Variants in IRS1 observed in about 807,000 individuals in gnomAD.
IRS1 encodes the protein insulin receptor substrate 1.
Under a neutral mutation model 65.6 loss-of-function variants are expected in IRS1, and 34 were observed. The observed-to-expected ratio is 0.52, with a 90% confidence interval of 0.39 to 0.69. The LOEUF is 0.69. Among genes scored for constraint, IRS1 ranks in the 30% least tolerant of loss-of-function variants. The probability of loss-of-function intolerance (pLI) is 0.00; values close to 1 mark genes in which losing one functional copy is unlikely to be tolerated. For synonymous variants in IRS1, 699 were observed against 683.5 expected (o/e 1.02, Z -0.35); for missense variants, 1,641 against 1,720.2 (o/e 0.95, Z 0.81).
At position 226,797,416 on chromosome 2, in the gene IRS1, G is replaced by A. The variant is rs532058574; in HGVS notation, c.1323C>T (p.Ser441=). Residue 441 remains serine (S), a synonymous_variant, in exon 1 of 2, where the codon TCC becomes TCT. Coordinates refer to ENST00000305123, the MANE Select transcript of IRS1 (RefSeq NM_005544.3). The surrounding 1 kb of genome is among the most constrained non-coding windows in gnomAD (Gnocchi z 8.1). ...GGGAATCCGGAGTGACACTGCGGAA[G>A]GAACTCCGGAAATCGCAGGGACTGG... ...YGSSPCDFRS[S]FRSVTPDSLG... 6.8e-6 allele frequency: 11 copies of A among 1,612,736 alleles called. No individual in the cohort carries two copies. The highest frequency in any genetic ancestry group is 4.0e-5 in the African/African-American group (3 of 75,054).
At position 226,766,120 on chromosome 2, in the gene IRS1, CTTATATATATATAT is replaced by C. The variant is rs1490241653; in HGVS notation, c.*21+28855_*21+28868del. Among the ~76,000 whole-genome samples, 10 of 31,690 alleles carry C rather than the reference CTTATATATATATAT, an allele frequency of 3.2e-4. 1 individual carries two copies. The highest frequency in any genetic ancestry group is 9.2e-4 in the African/African-American group (7 of 7,620). 20.8% of individuals were successfully genotyped at this position (31,690 alleles called of 152,430 possible). A position where few individuals can be genotyped will look rare whatever the true frequency, so the allele number is the denominator to read the frequency against. On this transcript the variant is annotated intron_variant, in intron 1 of 1. Coordinates refer to ENST00000305123, the MANE Select transcript of IRS1 (RefSeq NM_005544.3). The stretch of plus-strand genomic sequence containing the variant: ...AATTTTCCCAAGGCCCTCTCTTAAT[CTTATATATATATAT>C]ATATATATATATATATATATATATA...
At chr2:226,737,676 T>TG (rs1938355250) in intron 1 of IRS1, among the ~76,000 whole-genome samples, 1 of 152,164 alleles carries the variant, frequency 6.6e-6, no homozygotes. Context: ...GATACATGCA[T>TG]GGGGGCAATA....
At chr2:226,741,216 A>G (rs1356943495) in intron 1 of IRS1, among the ~76,000 whole-genome samples, 1 of 152,212 alleles carries the variant, frequency 6.6e-6, no homozygotes, top group Non-Finnish European at 1.5e-5. Flanking sequence ...TACTGTTTTA[A>G]TCATACTTAG....
intron 1 of IRS1, among the ~76,000 whole-genome samples, chr2:226,745,526 T>G (rs1264747653): frequency 6.6e-6 from 1 of 152,212 alleles, no homozygotes; most frequent in African/African-American, 2.4e-5. Flanking sequence ...CATCTCTCAG[T>G]GTTCTTTTCT....
In IRS1 at chr2:226,795,068, T is replaced by TCACTTGAG; in HGVS notation, c.3663_3670dup (p.Glu1224AlafsTer6). ...GATGCTGGCATAGGCGCTTAAATCC[T>TCACTTGAG]CACTTGAGCGGCGGGTGGAGCTGCT... On this transcript the variant is annotated frameshift_variant, in exon 1 of 2. Coordinates refer to ENST00000305123, the MANE Select transcript of IRS1 (RefSeq NM_005544.3). LOFTEE classifies it high-confidence loss of function. The TCACTTGAG allele has an allele frequency of 6.3e-7, 1 of 1,592,546 alleles. No individual in the cohort carries two copies.
rs1938271097 is a variant in IRS1 at position 226,733,614 on chromosome 2, C to T, written c.*2658G>A. Reference sequence around the variant, plus strand: ...AAAACCCACTAACTTCTAGGTTAACCAGAGGCCACTAGAAGCCTCAATAAT... The same window carrying T: ...AAAACCCACTAACTTCTAGGTTAACTAGAGGCCACTAGAAGCCTCAATAAT... On this transcript the variant is annotated 3_prime_UTR_variant, in exon 2 of 2. Coordinates refer to ENST00000305123, the MANE Select transcript of IRS1 (RefSeq NM_005544.3). The T allele has an allele frequency of 1.3e-5, 2 of 152,198 alleles. No individual in the cohort carries two copies. Among genetic ancestry groups the T allele is most frequent in the Non-Finnish European group, 2.9e-5 (2 of 68,034 alleles). The allele number at this position is 152,198 out of a possible 1,614,324, so 9.4% of individuals were successfully genotyped here. A position where few individuals can be genotyped will look rare whatever the true frequency, so the allele number is the denominator to read the frequency against.
intron 1 of IRS1, among the ~76,000 whole-genome samples, chr2:226,744,640 C>T (rs375782158): frequency 8.5e-5 from 13 of 152,280 alleles, no homozygotes; most frequent in East Asian, 3.9e-4. Context: ...GGAGTGTGAA[C>T]CCTATCATGA....
Position 226,799,042 on chromosome 2 carries a change from C to T in IRS1, c.-304G>A. The T allele has an allele frequency of 1.5e-6, 2 of 1,359,836 alleles. No individual in the cohort carries two copies. The highest frequency in any genetic ancestry group is 1.9e-6 in the Non-Finnish European group (2 of 1,047,256). The allele number at this position is 1,359,836 out of a possible 1,614,324, so 84.2% of individuals were successfully genotyped here. A position where few individuals can be genotyped will look rare whatever the true frequency, so the allele number is the denominator to read the frequency against. On this transcript the variant is annotated 5_prime_UTR_variant, in exon 1 of 2. Transcript: ENST00000305123. The surrounding 1 kb of genome is among the most constrained non-coding windows in gnomAD (Gnocchi z 6.1). ...AGCCAAGTCTCCTCTCAGCCGCCGC[C>T]GCCACCAGGAAGGAGCGAAGATGCA...
At position 226,732,376 on chromosome 2, in the gene IRS1, C is replaced by G. The variant is rs1303912138; in HGVS notation, c.*3896G>C. On this transcript the variant is annotated 3_prime_UTR_variant, in exon 2 of 2. Transcript: ENST00000305123. ...TGTTCTCCATAACTGAGCTCACAGT[C>G]TAGAGGTCTTTTAGTCTTGGCAAGG... 6.6e-6 allele frequency: 1 copy of G among 151,614 alleles called. No homozygotes were observed. The highest frequency in any genetic ancestry group is 1.9e-4 in the East Asian group (1 of 5,156). The allele number at this position is 151,614 out of a possible 1,614,324, so 9.4% of individuals were successfully genotyped here.
chr2:226,767,840 A>C (rs959322436), intron 1 of IRS1, among the ~76,000 whole-genome samples: 8 of 152,196 alleles, frequency 5.3e-5, no homozygotes, highest in African/African-American at 1.7e-4. Flanking sequence ...ACTCAAAGGC[A>C]TGAGGAGTAA....
chr2:226,781,140 G>A (rs965697626), intron 1 of IRS1, among the ~76,000 whole-genome samples: 1 of 152,092 alleles, frequency 6.6e-6, no homozygotes, highest in Non-Finnish European at 1.5e-5. Flanking sequence ...GGAGAGGCAG[G>A]GTGGTTGATA....
intron 1 of IRS1, among the ~76,000 whole-genome samples, chr2:226,767,472 C>T (rs937930075): frequency 6.6e-6 from 1 of 152,146 alleles, no homozygotes; most frequent in East Asian, 1.9e-4. Flanking sequence ...CCTTACACCC[C>T]ACCCCCAACA....
At chr2:226,753,024 T>A (rs1000750839) in intron 1 of IRS1, among the ~76,000 whole-genome samples, 5 of 152,112 alleles carry the variant, frequency 3.3e-5, no homozygotes, top group Non-Finnish European at 1.5e-5. Flanking sequence ...ATTCACTCTA[T>A]CCAGTAGCAA....
At chr2:226,789,939 T>C (rs1412911218) in intron 1 of IRS1, among the ~76,000 whole-genome samples, 5 of 152,144 alleles carry the variant, frequency 3.3e-5, no homozygotes, top group African/African-American at 1.2e-4. Flanking sequence ...AATCAAACAA[T>C]GTTTTCCTTC....
At chr2:226,751,386 G>C (rs1003680834) in intron 1 of IRS1, among the ~76,000 whole-genome samples, 3 of 149,246 alleles carry the variant, frequency 2.0e-5, no homozygotes, top group South Asian at 4.2e-4. Context: ...CGGGTTCCCG[G>C]CATTCTCCTG....
At chr2:226,748,751 G>C (rs1310205599) in intron 1 of IRS1, among the ~76,000 whole-genome samples, 1 of 152,144 alleles carries the variant, frequency 6.6e-6, no homozygotes, top group Non-Finnish European at 1.5e-5. Flanking sequence ...GACACTTTTA[G>C]GTCTGCTTTC....
At position 226,733,779 on chromosome 2, in the gene IRS1, G is replaced by C. The variant is rs1432545079; in HGVS notation, c.*2493C>G. On this transcript the variant is annotated 3_prime_UTR_variant, in exon 2 of 2. Coordinates refer to ENST00000305123, the MANE Select transcript of IRS1 (RefSeq NM_005544.3). ...TCGCCAGAGTATGAACTTTTGGTTT[G>C]AGTACCAGCAACTTCCAGTTTTAAA... The C allele has an allele frequency of 2.0e-5, 3 of 152,200 alleles. No individual in the cohort carries two copies. The highest frequency in any genetic ancestry group is 2.9e-5 in the Non-Finnish European group (2 of 68,044). 9.4% of individuals were successfully genotyped at this position (152,200 alleles called of 1,614,324 possible).
intron 1 of IRS1, among the ~76,000 whole-genome samples, chr2:226,758,976 CTG>C (rs767338429): frequency 1.3e-5 from 2 of 152,216 alleles, no homozygotes. Context: ...TGCCCAGTAA[CTG>C]TGGAATAAGT....
intron 1 of IRS1, among the ~76,000 whole-genome samples, chr2:226,743,575 C>T (rs770249207): frequency 3.5e-4 from 54 of 152,136 alleles, no homozygotes; most frequent in East Asian, 5.8e-4. Flanking sequence ...AAACCTGTTA[C>T]GAAAAGACAT....
Sources: allele counts gnomAD v4.1 joint callset (sites outside exome capture counted in the v4.1 genomes callset), GRCh38; gene constraint gnomAD v4.1.1; non-coding constraint Gnocchi (gnomAD v3.1); transcripts MANE v1.5; gene names NCBI Gene and HGNC (gene_info 2026-07-23, HGNC 2026-07-21).